FANCD2: variants seen among roughly 807,000 people sequenced by gnomAD.
The protein encoded by FANCD2 is FA complementation group D2, also known as Fanconi anemia group D2 protein.
Under a neutral mutation model 192.3 loss-of-function variants are expected in FANCD2, and 131 were observed. The observed-to-expected ratio is 0.68, with a 90% CI of 0.59 to 0.79. FANCD2 has a LOEUF of 0.79. Ranked by LOEUF, FANCD2 falls within the 30% of genes least tolerant of loss-of-function variation. The probability of loss-of-function intolerance (pLI) is 0.00; values close to 1 mark genes in which losing one functional copy is unlikely to be tolerated. For missense variants in FANCD2, 1,508 were observed against 1,701.6 expected, an observed-to-expected ratio of 0.89 and a Z score of 2.00; for synonymous variants, 524 against 612.5, an observed-to-expected ratio of 0.86 and a Z score of 2.13.
rs2086825349 is a variant in FANCD2, at chr3:10,040,005, T to C, written c.695+160T>C. ...TGGGATTTGACTTAAAAAAAAAAGGTATATATTTGAATAGATCCACATACT... is the reference window on the plus strand; with the variant it reads ...TGGGATTTGACTTAAAAAAAAAAGGCATATATTTGAATAGATCCACATACT... On this transcript the variant is annotated intron_variant, in intron 9 of 43. Transcript: ENST00000675286. 6 of 698,250 alleles carry C rather than the reference T, an allele frequency of 8.6e-6. No homozygotes were observed. In the East Asian group the frequency reaches 1.4e-4, roughly 16 times the overall value. 43.3% of individuals were successfully genotyped at this position (698,250 alleles called of 1,614,324 possible).
At chr3:10,081,041 C>G in intron 30 of FANCD2, 59 bp from the exon 31 acceptor site, 1 of 1,608,368 alleles carries the variant, frequency 6.2e-7, no homozygotes. Context: ...ATTGCGAACC[C>G]TTAGTTTCTG....
At chr3:10,054,418 CATATATACAT>C (rs2087326021) in intron 18 of FANCD2, among the ~76,000 whole-genome samples, 1 of 66,110 alleles carries the variant, frequency 1.5e-5, no homozygotes, top group African/African-American at 1.1e-4. Context: ...TACGTATATA[CATATATACAT>C]GTATATACAT....
chr3:10,045,154 T>TTTTTG (rs1313748060), intron 14 of FANCD2, among the ~76,000 whole-genome samples: 82 of 151,690 alleles, frequency 5.4e-4, no homozygotes, highest in African/African-American at 1.9e-3. Flanking sequence ...GTTTTCTCTT[T>TTTTTG]TTTTGTTTTG....
chr3:10,095,410 C>A, intron 41 of FANCD2, 136 bp downstream of exon 41: 1 of 749,058 alleles, frequency 1.3e-6, no homozygotes, highest in Non-Finnish European at 2.4e-6. Context: ...TTATTCAGAG[C>A]AAATCCTTAG....
chr3:10,090,278 T>C lies in FANCD2; in HGVS notation c.3684-14T>C. On this transcript the variant is annotated splice_polypyrimidine_tract_variant and intron_variant, in intron 36 of 43. Transcript: ENST00000675286. ...CATCATGGTGTGGGCACGCATGCTT[T>C]TCCCGTCTTCTAGGCATACTTTTGT... is the stretch of plus-strand genomic sequence containing the variant. The C allele has an allele frequency of 6.2e-7, 1 of 1,603,684 alleles. No individual in the cohort carries two copies. Among genetic ancestry groups the C allele is most frequent in the South Asian group, 1.1e-5 (1 of 90,902 alleles).
At chr3:10,026,553 G>C (rs750160682) in intron 1 of FANCD2, 80 bp downstream of exon 1, 16 of 377,494 alleles carry the variant, frequency 4.2e-5, no homozygotes, top group Middle Eastern at 1.2e-3. Context: ...GGCCGCGGTC[G>C]GCGTTCTCCT....
intron 36 of FANCD2, among the ~76,000 whole-genome samples, 163 bp downstream of exon 36, chr3:10,089,113 T>A (rs1402511278): frequency 6.6e-6 from 1 of 151,976 alleles, no homozygotes; most frequent in Non-Finnish European, 1.5e-5. Flanking sequence ...AGTGAAACCC[T>A]GTCCCTACTA....
chr3:10,032,951 G>C lies in FANCD2; in HGVS notation c.184G>C (p.Gly62Arg). ...LKISGIILKTGESQNQLAVDQ... is the reference protein window; with the variant it reads ...LKISGIILKTRESQNQLAVDQ... Reference sequence around the variant, plus strand: ...GATATCAGGAATTATTCTTAAAACGGGAGAGAGTCAGAATCAACTAGGTAA... The same window carrying C: ...GATATCAGGAATTATTCTTAAAACGCGAGAGAGTCAGAATCAACTAGGTAA... Residue 62 changes from glycine (G) to arginine (R), a missense_variant, in exon 3 of 44, where the codon GGA (glycine) becomes CGA (arginine). Physicochemically the swap from Gly to Arg is moderately radical, Grantham distance 125. Transcript: ENST00000675286. 1 of 1,588,526 alleles carries C rather than the reference G, an allele frequency of 6.3e-7. No individual in the cohort carries two copies. Among genetic ancestry groups the C allele is most frequent in the Non-Finnish European group, 8.6e-7 (1 of 1,157,016 alleles).
At chr3:10,071,145 AAG>A (rs1266569169) in intron 26 of FANCD2, among the ~76,000 whole-genome samples, 9 of 149,618 alleles carry the variant, frequency 6.0e-5, no homozygotes, top group Admixed American at 4.6e-4. Context: ...AAAAGAAAAA[AAG>A]AAAAAAAAAA....
rs777340649 is a variant in FANCD2 at position 10,052,405 on chromosome 3, G to T, written c.1564G>T (p.Asp522Tyr). ...VFVKGILDYL[D>Y]NISPQQIRKL... ...TCCACAGGGCATTTTAGATTATCTG[G>T]ATAACATATCCCCTCAGCAAATACG... is the stretch of plus-strand genomic sequence containing the variant. Residue 522 changes from aspartate (D) to tyrosine (Y), a missense_variant, in exon 18 of 44, where the codon GAT becomes TAT. Physicochemically the swap from Asp to Tyr is radical, Grantham distance 160. Coordinates refer to ENST00000675286, the MANE Select transcript of FANCD2 (RefSeq NM_001018115.3). 3.1e-6 allele frequency: 5 copies of T among 1,611,214 alleles called. No homozygotes were observed. Among genetic ancestry groups the T allele is most frequent in the Non-Finnish European group, 4.2e-6 (5 of 1,177,478 alleles).
chr3:10,027,393 TGAAAA>T (rs2086478292), intron 1 of FANCD2, among the ~76,000 whole-genome samples: 1 of 152,220 alleles, frequency 6.6e-6, no homozygotes, highest in South Asian at 2.1e-4. Context: ...GCACTTCAGA[TGAAAA>T]GAACACCTTT....
intron 43 of FANCD2, among the ~76,000 whole-genome samples, chr3:10,100,280 A>C (rs1695223532): frequency 6.6e-6 from 1 of 152,210 alleles, no homozygotes; most frequent in South Asian, 2.1e-4. Context: ...ATATCCTATT[A>C]GTTTGGTACT....
In FANCD2 at chr3:10,096,478, C is replaced by T; in HGVS notation, c.4185+6C>T. The T allele has an allele frequency of 6.2e-7, 1 of 1,613,514 alleles. No individual in the cohort carries two copies. Among genetic ancestry groups the T allele is most frequent in the South Asian group, 1.1e-5 (1 of 91,072 alleles). ...TAAAAAACCGGGACTTGCAGGTAAG[C>T]CTTGGATCCTGCTAGTGATAATCCC... On this transcript the variant is annotated splice_donor_region_variant and intron_variant, in intron 42 of 43. Transcript: ENST00000675286.
chr3:10,031,399 G>A (rs1191187101), intron 2 of FANCD2, among the ~76,000 whole-genome samples: 2 of 151,946 alleles, frequency 1.3e-5, no homozygotes, highest in Non-Finnish European at 2.9e-5. Context: ...GCTACTGGGA[G>A]GCTGAGGCAG....
In FANCD2 at chr3:10,088,917, A is replaced by G; in HGVS notation, c.3650A>G (p.Asp1217Gly). The change falls in exon 36 of 44, where the codon GAT becomes GGT. Residue 1217 changes from aspartate to glycine, a missense_variant. Transcript: ENST00000675286. The part of the protein sequence containing the change: ...GVPELINSPK[D>G]ASSSTFPTLT... Reference sequence around the variant, plus strand: ...CCAGAACTGATCAACTCTCCTAAAGATGCATCTTCCTCCACATTCCCTACA... The same window carrying G: ...CCAGAACTGATCAACTCTCCTAAAGGTGCATCTTCCTCCACATTCCCTACA... 2 of 1,614,126 alleles carry G rather than the reference A, an allele frequency of 1.2e-6. No individual in the cohort carries two copies. Among genetic ancestry groups the G allele is most frequent in the Non-Finnish European group, 1.7e-6 (2 of 1,179,988 alleles).
chr3:10,033,651 A>C (rs1352385285), intron 3 of FANCD2, among the ~76,000 whole-genome samples: 1 of 147,214 alleles, frequency 6.8e-6, no homozygotes, highest in Non-Finnish European at 1.5e-5. Context: ...AGGTTATGGC[A>C]GGTCTTTTTT....
chr3:10,044,117 C>G (rs1399824061), intron 14 of FANCD2, among the ~76,000 whole-genome samples: 1 of 152,148 alleles, frequency 6.6e-6, no homozygotes, highest in Non-Finnish European at 1.5e-5. Flanking sequence ...ACAGTGTAAA[C>G]AAGCACATCA....
At chr3:10,033,696 G>A (rs905959442) in intron 3 of FANCD2, among the ~76,000 whole-genome samples, 158 of 62,498 alleles carry the variant, frequency 2.5e-3, no homozygotes, top group South Asian at 7.7e-3. Context: ...TCAAAGCTAA[G>A]TCTTTTTTTT....
intron 15 of FANCD2, among the ~76,000 whole-genome samples, chr3:10,047,524 G>GT (rs2087057432): frequency 1.3e-5 from 2 of 152,410 alleles, no homozygotes; most frequent in South Asian, 4.1e-4. Context: ...AAAAAAATCA[G>GT]CTTAGTTAGC....
Sources: allele counts gnomAD v4.1 joint callset (sites outside exome capture counted in the v4.1 genomes callset), GRCh38; gene constraint gnomAD v4.1.1; transcripts MANE v1.5; gene names NCBI Gene and HGNC (gene_info 2026-07-23, HGNC 2026-07-21).